NSUN2: variants seen among roughly 807,000 people sequenced by gnomAD.
The protein encoded by NSUN2 is NOP2/Sun RNA methyltransferase 2.
NSUN2 carries 63 observed loss-of-function variants against 92.7 expected under a neutral mutation model. The ratio of observed to expected loss-of-function variants is 0.68; its 90% CI spans 0.56 to 0.84. NSUN2 has a LOEUF of 0.84. Among genes scored for constraint, NSUN2 ranks in the 40% least tolerant of loss-of-function variants. NSUN2 has a pLI of 0.00. For missense variants in NSUN2, 989 were observed against 964.9 expected, an observed-to-expected ratio of 1.02 and a Z score of -0.33; for synonymous variants, 356 against 348.3, an observed-to-expected ratio of 1.02 and a Z score of -0.25.
rs1018016394 is a variant in NSUN2 at position 6,600,344 on chromosome 5, A to C, written c.1998-112T>G. 4 of 907,176 alleles carry C rather than the reference A, an allele frequency of 4.4e-6. No individual in the cohort carries two copies. The African/African-American group carries it at 5.0e-5, about 11-fold the overall frequency. 56.2% of individuals were successfully genotyped at this position (907,176 alleles called of 1,614,324 possible). A position where few individuals can be genotyped will look rare whatever the true frequency, so the allele number is the denominator to read the frequency against. On this transcript the variant is annotated intron_variant, in intron 18 of 18. Transcript: ENST00000264670. The stretch of plus-strand genomic sequence containing the variant: ...AAAACCACAGAAAACCCATACCCAC[A>C]AAACCCCCAAAACTACTGGGAGGAC...
rs753468740 is a variant in NSUN2 at position 6,611,100 on chromosome 5, G to A, written c.1096-15C>T. The A allele has an allele frequency of 2.5e-6, 4 of 1,613,966 alleles. No individual in the cohort carries two copies. Among genetic ancestry groups the A allele is most frequent in the South Asian group, 1.1e-5 (1 of 91,054 alleles). On this transcript the variant is annotated splice_polypyrimidine_tract_variant and intron_variant, in intron 10 of 18. Coordinates refer to ENST00000264670, the MANE Select transcript of NSUN2 (RefSeq NM_017755.6). ...TTCGTCATTACCTGCAGAACCACAG[G>A]GTACATTCCAGATTACTAGCACTAT... is the stretch of plus-strand genomic sequence containing the variant.
intron 17 of NSUN2, 28 bp downstream of exon 17, chr5:6,604,110 A>G (rs1227495781): frequency 6.2e-7 from 1 of 1,601,470 alleles, no homozygotes; most frequent in African/African-American, 1.3e-5. Flanking sequence ...AATACAAGTT[A>G]TGTCTCTATG....
intron 3 of NSUN2, among the ~76,000 whole-genome samples, chr5:6,626,536 A>G (rs1051215090): frequency 6.6e-6 from 1 of 151,990 alleles, no homozygotes; most frequent in South Asian, 2.1e-4. Flanking sequence ...TTCAGTAGAG[A>G]TGTGGTTTTG....
chr5:6,611,217 T>A, intron 10 of NSUN2, 132 bp from the exon 11 acceptor site: 1 of 997,222 alleles, frequency 1.0e-6, no homozygotes, highest in Non-Finnish European at 1.4e-6. Context: ...AGGAAGATTA[T>A]TTGCCAAGAC....
In NSUN2 at chr5:6,632,747, C is replaced by T. The variant is rs200452132; in HGVS notation, c.106G>A (p.Gly36Arg). 1.2e-6 allele frequency: 2 copies of T among 1,613,750 alleles called. No homozygotes were observed. The highest frequency in any genetic ancestry group is 1.7e-6 in the Non-Finnish European group (2 of 1,179,804). The stretch of plus-strand genomic sequence containing the variant: ...TCCTTGACGATCTCGGGGTAGCCTC[C>T]TTCCCAGCCCTGAGGAAGGAAAGAG... ...GGKRGEAGWEGGYPEIVKENK... is the reference protein window; with the variant it reads ...GGKRGEAGWERGYPEIVKENK... Residue 36 changes from glycine (G) to arginine (R), a missense_variant, in exon 2 of 19, where the codon GGA becomes AGA. Physicochemically the swap from Gly to Arg is moderately radical, Grantham distance 125. This residue lies in a region of NSUN2 where 356 missense variants were observed against 338.6 expected (regional missense o/e 1.05). Transcript: ENST00000264670.
intron 6 of NSUN2, 182 bp downstream of exon 6, chr5:6,621,834 G>C (rs1420478395): frequency 5.3e-6 from 3 of 569,236 alleles, no homozygotes; most frequent in East Asian, 5.8e-5. Flanking sequence ...GAGTGTGTTT[G>C]TTTGAGTACT....
At chr5:6,606,712 A>G (rs1210437282) in intron 14 of NSUN2, 108 bp downstream of exon 14, 1 of 522,790 alleles carries the variant, frequency 1.9e-6, no homozygotes, top group Non-Finnish European at 3.3e-6. Flanking sequence ...AAAAAAAAAA[A>G]GCTAGACAGA....
intron 8 of NSUN2, among the ~76,000 whole-genome samples, chr5:6,617,510 T>G (rs1231264044): frequency 1.3e-5 from 2 of 152,226 alleles, no homozygotes; most frequent in Admixed American, 6.5e-5. Context: ...TGTTATGAGA[T>G]TTCTCTTTAA....
At chr5:6,605,833 T>C (rs1736745956) in intron 14 of NSUN2, among the ~76,000 whole-genome samples, 1 of 150,616 alleles carries the variant, frequency 6.6e-6, no homozygotes, top group Non-Finnish European at 1.5e-5. Flanking sequence ...TAGCTGTGAT[T>C]ATAGGTGCAC....
intron 5 of NSUN2, 75 bp from the exon 6 acceptor site, chr5:6,622,175 G>GC: frequency 8.3e-7 from 1 of 1,203,446 alleles, no homozygotes; most frequent in South Asian, 1.3e-5. Flanking sequence ...AGCAATTCTA[G>GC]TTTTTCAATT....
chr5:6,622,026 G>T lies in NSUN2; in HGVS notation c.612C>A (p.Val204=), dbSNP rs148924682. The T allele has an allele frequency of 1.6e-3, 2,641 of 1,613,692 alleles. 35 individuals are homozygous for T. In the African/African-American group the frequency reaches 0.03, roughly 18 times the overall value. The change falls in exon 6 of 19, where the codon GTC becomes GTA. Residue 204 remains valine, a synonymous_variant. Transcript: ENST00000264670. ...AAGTCCAATGCATACCTGGAAAGGG[G>T]ACATTCATGTCGGCATGTAGCATTT... is the stretch of plus-strand genomic sequence containing the variant. ...LIEMLHADMN[V]PFPEGFVIAN...
chr5:6,604,053 T>C, intron 17 of NSUN2, 85 bp downstream of exon 17: 1 of 1,183,186 alleles, frequency 8.5e-7, no homozygotes, highest in South Asian at 1.5e-5. Flanking sequence ...GATTGATAAA[T>C]ATGCCCCAAC....
At chr5:6,621,794 T>A in intron 6 of NSUN2, 1 of 441,030 alleles carries the variant, frequency 2.3e-6, no homozygotes, top group Non-Finnish European at 4.0e-6. Flanking sequence ...AAAACACACA[T>A]AATTCTAAAA....
intron 16 of NSUN2, 97 bp downstream of exon 16, chr5:6,604,508 A>T: frequency 1.7e-6 from 2 of 1,152,272 alleles, no homozygotes; most frequent in South Asian, 1.2e-5. Flanking sequence ...CCAAGCCCTG[A>T]GCCACTCAGA....
intron 15 of NSUN2, 194 bp downstream of exon 15, chr5:6,605,079 G>A (rs1736709333): frequency 2.7e-6 from 2 of 734,968 alleles, no homozygotes; most frequent in Non-Finnish European, 4.5e-6. Context: ...ACCAGATTCA[G>A]GACTCTGGCA....
intron 15 of NSUN2, 63 bp from the exon 16 acceptor site, chr5:6,604,748 T>G: frequency 7.3e-7 from 1 of 1,375,096 alleles, no homozygotes. Flanking sequence ...CCTGTAAGGA[T>G]GCCGGGCCAC....
rs148140449 is a variant in NSUN2, at chr5:6,627,542, G to A, written c.360-1873C>T. Among the ~76,000 whole-genome samples the A allele has an allele frequency of 8.7e-4, 132 of 152,162 alleles. 1 individual carries two copies. Among genetic ancestry groups the A allele is most frequent in the African/African-American group, 3.1e-3 (128 of 41,512 alleles). ...AAATATAGCCTTATATGTCTTTTTC[G>A]TCAAATTTCTGATAGTCAAAATGTA... On this transcript the variant is annotated intron_variant, in intron 3 of 18. Transcript: ENST00000264670.
chr5:6,606,377 A>T (rs552350888), intron 14 of NSUN2, among the ~76,000 whole-genome samples: 1 of 151,992 alleles, frequency 6.6e-6, no homozygotes, highest in African/African-American at 2.4e-5. Flanking sequence ...TCCACCTCCC[A>T]GGTTCACGCC....
intron 12 of NSUN2, among the ~76,000 whole-genome samples, chr5:6,607,823 G>A (rs1293276731): frequency 6.6e-6 from 1 of 152,008 alleles, no homozygotes; most frequent in Non-Finnish European, 1.5e-5. Context: ...TTGGGCACCT[G>A]GACAAACTGC....
Sources: gnomAD v4.1 joint callset for allele counts (sites outside exome capture counted in the v4.1 genomes callset) on GRCh38, gnomAD v4.1.1 for gene constraint, gnomAD v4.1.1 regional missense constraint, MANE v1.5 for transcripts, NCBI Gene and HGNC (gene_info 2026-07-23, HGNC 2026-07-21) for gene names.